The following ZNF738 variants were observed in gnomAD, a reference collection of about 807,000 sequenced individuals.
ZNF738 encodes the protein protein ZNF738.
Under a neutral mutation model 9.2 loss-of-function variants are expected in ZNF738, and 10 were observed. The ratio of observed to expected loss-of-function variants is 1.09; its 90% CI spans 0.67 to 1.85. The LOEUF (loss-of-function observed/expected upper bound fraction) is 1.85. ZNF738 is among the 40% of genes most tolerant of loss of function. ZNF738 has a pLI of 0.00. For synonymous variants in ZNF738, 113 were observed against 94.5 expected (o/e 1.20, Z -1.14); for missense variants, 346 against 283.6 (o/e 1.22, Z -1.58).
chr19:21,373,215 G>C (rs1973879279), intron 2 of ZNF738, among the ~76,000 whole-genome samples: 1 of 152,208 alleles, frequency 6.6e-6, no homozygotes, highest in Admixed American at 6.5e-5. Context: ...TATCAGCCTA[G>C]ACTTCTCATT....
intron 2 of ZNF738, among the ~76,000 whole-genome samples, chr19:21,368,348 T>G (rs1165691258): frequency 1.3e-5 from 2 of 152,244 alleles, no homozygotes; most frequent in African/African-American, 4.8e-5. Flanking sequence ...CATTTGGTTT[T>G]CTGTTTTGCG....
chr19:21,361,681 C>T, intron 1 of ZNF738, 85 bp from the exon 2 acceptor site: 1 of 738,006 alleles, frequency 1.4e-6, no homozygotes, highest in Non-Finnish European at 2.5e-6. Context: ...TCAGTATTAT[C>T]TGGGGATAAA....
At chr19:21,364,113 T>C (rs2968024) in intron 2 of ZNF738, among the ~76,000 whole-genome samples, 141,155 of 148,236 alleles carry the variant, frequency 0.95, 67,432 homozygotes, top group Middle Eastern at 1. Flanking sequence ...AGGAGAAATG[T>C]TTGAACCCGG....
At chr19:21,373,677 G>T (rs897880417) in intron 2 of ZNF738, among the ~76,000 whole-genome samples, 1 of 152,076 alleles carries the variant, frequency 6.6e-6, no homozygotes, top group Admixed American at 6.6e-5. Context: ...AACAGGTGGT[G>T]CTGACGCCTT....
chr19:21,381,214 G>A, intron 4 of ZNF738: 1 of 1,515,290 alleles, frequency 6.6e-7, no homozygotes. Flanking sequence ...GAAGAGTCCT[G>A]AGATTTCAAA....
rs1253954658 is a variant in ZNF738, at chr19:21,375,284, A to G, written c.143A>G (p.Glu48Gly). The G allele has an allele frequency of 1.7e-6, 2 of 1,149,570 alleles. No homozygotes were observed. Among genetic ancestry groups the G allele is most frequent in the Admixed American group, 1.7e-5 (1 of 58,686 alleles). The allele number at this position is 1,149,570 out of a possible 1,614,324, so 71.2% of individuals were successfully genotyped here. A position where few individuals can be genotyped will look rare whatever the true frequency, so the allele number is the denominator to read the frequency against. Residue 48 changes from glutamate (E) to glycine (G), a missense_variant, in exon 3 of 5, where the codon GAG becomes GGG. Coordinates refer to ENST00000683779, the MANE Select transcript of ZNF738 (RefSeq NM_001355237.2). ...RDVVIEFSQE[E>G]WQCLDTAQQD... is the part of the protein sequence containing the mutation. ...GTGGTCATAGAATTCTCTCAGGAGG[A>G]GTGGCAATGCCTGGACACTGCTCAG...
intron 2 of ZNF738, among the ~76,000 whole-genome samples, chr19:21,371,473 G>T (rs1162934632): frequency 1.3e-5 from 2 of 152,220 alleles, no homozygotes; most frequent in African/African-American, 2.4e-5. Flanking sequence ...TTGTTACCCA[G>T]ATGAGAGTTT....
rs972432384 is a variant in ZNF738 at position 21,384,421 on chromosome 19, G to A, written c.*747G>A. Among the ~76,000 whole-genome samples the A allele has an allele frequency of 6.6e-6, 1 of 152,020 alleles. No homozygotes were observed. Among genetic ancestry groups the A allele is most frequent in the Non-Finnish European group, 1.5e-5 (1 of 68,002 alleles). On this transcript the variant is annotated 3_prime_UTR_variant, in exon 5 of 5. Transcript: ENST00000683779. ...CATAATGGAGAGAAACCCTACAAAT[G>A]TTTAGAATGTGGCAAAGATTTCTAC...
At chr19:21,366,571 T>A (rs1219381974) in intron 2 of ZNF738, among the ~76,000 whole-genome samples, 1 of 152,202 alleles carries the variant, frequency 6.6e-6, no homozygotes, top group African/African-American at 2.4e-5. Flanking sequence ...AGAGGGTTCT[T>A]GTATCTTGCT....
intron 2 of ZNF738, among the ~76,000 whole-genome samples, chr19:21,364,041 AC>A (rs1973739538): frequency 6.6e-6 from 1 of 151,860 alleles, no homozygotes; most frequent in Non-Finnish European, 1.5e-5. Flanking sequence ...TACTAAAAAT[AC>A]AAAAATAATC....
Position 21,383,962 on chromosome 19 carries a change from CA to C in ZNF738, c.*289del. 1 of 1,419,170 alleles carries C rather than the reference CA, an allele frequency of 7.0e-7. No individual in the cohort carries two copies. Among genetic ancestry groups the C allele is most frequent in the East Asian group, 2.3e-5 (1 of 42,618 alleles). The allele number at this position is 1,419,170 out of a possible 1,614,324, so 87.9% of individuals were successfully genotyped here. A position where few individuals can be genotyped will look rare whatever the true frequency, so the allele number is the denominator to read the frequency against. On this transcript the variant is annotated 3_prime_UTR_variant, in exon 5 of 5. Coordinates refer to ENST00000683779, the MANE Select transcript of ZNF738 (RefSeq NM_001355237.2). ...TTTAACTGTTACTCCTACCTTACTG[CA>C]CATAAGTTGATTCATACTGGAGAGA... is the stretch of plus-strand genomic sequence containing the variant.
intron 2 of ZNF738, among the ~76,000 whole-genome samples, chr19:21,369,584 A>G (rs778084559): frequency 4.5e-4 from 69 of 152,196 alleles, no homozygotes; most frequent in South Asian, 6.2e-4. Flanking sequence ...ACCAGTTTCA[A>G]TCTTCTACAT....
At chr19:21,370,332 GC>G (rs1317744247) in intron 2 of ZNF738, among the ~76,000 whole-genome samples, 1 of 151,996 alleles carries the variant, frequency 6.6e-6, no homozygotes, top group African/African-American at 2.4e-5. Flanking sequence ...AAAAATATTG[GC>G]CTCAAGTTTT....
intron 2 of ZNF738, 52 bp downstream of exon 2, chr19:21,361,910 C>G (rs1287892416): frequency 4.1e-6 from 3 of 730,978 alleles, no homozygotes; most frequent in East Asian, 2.5e-5. Flanking sequence ...GAAAAACATG[C>G]TCTACTAAAA....
chr19:21,384,214 C>T lies in ZNF738; in HGVS notation c.*540C>T, dbSNP rs1165656819. The T allele has an allele frequency of 7.2e-6, 10 of 1,389,042 alleles. No individual in the cohort carries two copies. The highest frequency in any genetic ancestry group is 6.9e-5 in the South Asian group (6 of 86,584). The allele number at this position is 1,389,042 out of a possible 1,614,324, so 86.0% of individuals were successfully genotyped here. A position where few individuals can be genotyped will look rare whatever the true frequency, so the allele number is the denominator to read the frequency against. On this transcript the variant is annotated 3_prime_UTR_variant, in exon 5 of 5. Transcript: ENST00000683779. ...TTTAACTGGTACTCACGCCTTACTA[C>T]ACATAAGAGAATTCATACTGGTGAG...
At chr19:21,372,654 CAAAAAA>C (rs1346013686) in intron 2 of ZNF738, 3 of 152,078 alleles carry the variant, frequency 2.0e-5, no homozygotes, top group Non-Finnish European at 4.4e-5. Flanking sequence ...AACATAAACA[CAAAAAA>C]ATTTCTCTAA....
intron 4 of ZNF738, among the ~76,000 whole-genome samples, chr19:21,376,905 C>T (rs1028085653): frequency 6.6e-6 from 1 of 151,948 alleles, no homozygotes; most frequent in African/African-American, 2.4e-5. Context: ...ATTTTTATGA[C>T]TCCGTTTTTG....
At chr19:21,372,773 C>G (rs1191974297) in intron 2 of ZNF738, 3 of 152,184 alleles carry the variant, frequency 2.0e-5, no homozygotes, top group African/African-American at 4.8e-5. Context: ...TTATTCCCAG[C>G]ACAGTGCTCT....
chr19:21,383,957 T>TA lies in ZNF738; in HGVS notation c.*284dup. ...AAGCTTTTAACTGTTACTCCTACCT[T>TA]ACTGCACATAAGTTGATTCATACTG... On this transcript the variant is annotated 3_prime_UTR_variant, in exon 5 of 5. Transcript: ENST00000683779. 7.0e-7 allele frequency: 1 copy of TA among 1,435,922 alleles called. No individual in the cohort carries two copies. Among genetic ancestry groups the TA allele is most frequent in the Non-Finnish European group, 9.8e-7 (1 of 1,023,382 alleles). 88.9% of individuals were successfully genotyped at this position (1,435,922 alleles called of 1,614,324 possible).
Sources: gnomAD v4.1 joint callset for allele counts (sites outside exome capture counted in the v4.1 genomes callset) on GRCh38, gnomAD v4.1.1 for gene constraint, MANE v1.5 for transcripts, NCBI Gene and HGNC (gene_info 2026-07-23, HGNC 2026-07-21) for gene names.